SMARCC1: variants seen among roughly 807,000 people sequenced by gnomAD.
The protein encoded by SMARCC1 is SWI/SNF complex subunit SMARCC1.
In SMARCC1, 43 loss-of-function variants were observed where a neutral mutation model predicts 147.4. The observed-to-expected ratio is 0.29, with a 90% confidence interval of 0.23 to 0.38. SMARCC1 has a LOEUF of 0.38. SMARCC1 is among the 10% of genes least tolerant of loss of function. The probability of loss-of-function intolerance (pLI) is 1.00; values close to 1 mark genes in which losing one functional copy is unlikely to be tolerated. For missense variants in SMARCC1, 1,119 were observed against 1,381.1 expected (o/e 0.81, Z 3.01); for synonymous variants, 495 against 484.4 (o/e 1.02, Z -0.29).
chr3:47,641,072 T>G (rs2033041729), intron 21 of SMARCC1, among the ~76,000 whole-genome samples: 1 of 152,214 alleles, frequency 6.6e-6, no homozygotes, highest in Non-Finnish European at 1.5e-5. Context: ...ACAAATAACA[T>G]TCTTTGCTGA....
intron 1 of SMARCC1, among the ~76,000 whole-genome samples, chr3:47,777,326 GC>G (rs202152022): frequency 0.017 from 2,552 of 150,864 alleles, 169 homozygotes; most frequent in Admixed American, 0.12. Flanking sequence ...CAGGTGATCT[GC>G]CCGCCTTGGC....
intron 24 of SMARCC1, among the ~76,000 whole-genome samples, chr3:47,630,474 G>T (rs2032871683): frequency 6.6e-6 from 1 of 152,148 alleles, no homozygotes; most frequent in Admixed American, 6.5e-5. Context: ...GGAGATAAAT[G>T]ATTAACAAGA....
intron 19 of SMARCC1, chr3:47,663,848 A>C: frequency 1.3e-6 from 2 of 1,560,562 alleles, no homozygotes; most frequent in Non-Finnish European, 1.8e-6. Context: ...TCAGCTCATG[A>C]TGTGCACCTG....
At chr3:47,680,639 C>T in intron 14 of SMARCC1, 131 bp from the exon 15 acceptor site, 1 of 482,644 alleles carries the variant, frequency 2.1e-6, no homozygotes, top group Non-Finnish European at 3.5e-6. Context: ...GCTCCGCCTC[C>T]CGGGTTCACG....
intron 2 of SMARCC1, among the ~76,000 whole-genome samples, chr3:47,763,110 A>T (rs1292906610): frequency 6.6e-6 from 1 of 151,594 alleles, no homozygotes; most frequent in Non-Finnish European, 1.5e-5. Context: ...TTCCCTTAAA[A>T]TAGGTGTATC....
chr3:47,688,612 G>A (rs1173303164), intron 13 of SMARCC1, among the ~76,000 whole-genome samples: 2 of 152,086 alleles, frequency 1.3e-5, no homozygotes, highest in African/African-American at 4.8e-5. Context: ...TGTTCCAAAA[G>A]CATAATGATT....
Position 47,605,148 on chromosome 3 carries a change from C to T in SMARCC1, c.3043+4918G>A, listed in dbSNP as rs2032450403. On this transcript the variant is annotated intron_variant, in intron 26 of 27. Transcript: ENST00000254480. Reference sequence around the variant, plus strand: ...ATACTGCTAGAGTGTAAACAGGCACCACCACTTTGCAAAAAGTTTGGCAGC... The same window carrying T: ...ATACTGCTAGAGTGTAAACAGGCACTACCACTTTGCAAAAAGTTTGGCAGC... 2.6e-5 allele frequency among the ~76,000 whole-genome samples: 4 copies of T among 152,146 alleles called. No homozygotes were observed. The South Asian group carries it at 8.3e-4, about 32-fold the overall frequency.
chr3:47,656,265 A>G (rs148357112), intron 21 of SMARCC1, among the ~76,000 whole-genome samples: 224 of 152,338 alleles, frequency 1.5e-3, no homozygotes, highest in Middle Eastern at 3.4e-3. Flanking sequence ...GGTACTACGT[A>G]TAAAGTTGCT....
At chr3:47,760,172 G>A (rs2034757355) in intron 2 of SMARCC1, among the ~76,000 whole-genome samples, 1 of 151,930 alleles carries the variant, frequency 6.6e-6, no homozygotes. Flanking sequence ...AATATCAGCT[G>A]GGAATGGTGG....
chr3:47,724,117 G>C (rs948151279), intron 6 of SMARCC1, among the ~76,000 whole-genome samples: 2 of 152,176 alleles, frequency 1.3e-5, no homozygotes, highest in African/African-American at 4.8e-5. Context: ...ATTAAAAACA[G>C]TATTACCATA....
At chr3:47,769,662 A>G (rs1247066035) in intron 2 of SMARCC1, among the ~76,000 whole-genome samples, 2 of 152,136 alleles carry the variant, frequency 1.3e-5, no homozygotes, top group African/African-American at 4.8e-5. Flanking sequence ...GACATCACCA[A>G]GTAAGTCAAA....
intron 10 of SMARCC1, among the ~76,000 whole-genome samples, chr3:47,702,630 A>G (rs1300255048): frequency 6.6e-6 from 1 of 152,164 alleles, no homozygotes; most frequent in Non-Finnish European, 1.5e-5. Flanking sequence ...ACAGGGTCTC[A>G]CTCTGTTGTC....
intron 8 of SMARCC1, among the ~76,000 whole-genome samples, chr3:47,713,898 G>T (rs913266871): frequency 6.6e-6 from 1 of 152,104 alleles, no homozygotes; most frequent in Non-Finnish European, 1.5e-5. Context: ...CCTGCCTTTG[G>T]ATTCTCCTCA....
Position 47,714,481 on chromosome 3 carries a change from A to G in SMARCC1, c.726T>C (p.Thr242=). ...HWGFYPDSYD[T]WVHSNDVDAE... is the part of the protein sequence containing the mutation. ...CATCAACATCATTACTATGGACCCA[A>G]GTATCATAGCTATAAAGGAATCAAA... The change falls in exon 8 of 28, where the codon ACT becomes ACC. Residue 242 remains threonine, a synonymous_variant. Transcript: ENST00000254480. The G allele has an allele frequency of 6.5e-7, 1 of 1,549,938 alleles. No homozygotes were observed.
Position 47,775,478 on chromosome 3 carries a change from C to T in SMARCC1, c.196-2542G>A, listed in dbSNP as rs1465376706. On this transcript the variant is annotated intron_variant, in intron 1 of 27. Transcript: ENST00000254480. ...CCCAGCCCCGTAAATTTTTAATAAACGGTATTCAAGGGCCAGGCGCGGTGG... is the reference window on the plus strand; with the variant it reads ...CCCAGCCCCGTAAATTTTTAATAAATGGTATTCAAGGGCCAGGCGCGGTGG... Among the ~76,000 whole-genome samples the T allele has an allele frequency of 6.2e-5, 9 of 146,036 alleles. No individual in the cohort carries two copies. The South Asian group carries it at 1.6e-3, about 26-fold the overall frequency.
intron 3 of SMARCC1, among the ~76,000 whole-genome samples, chr3:47,741,986 T>C (rs1019039815): frequency 2.6e-5 from 4 of 152,118 alleles, no homozygotes; most frequent in African/African-American, 9.6e-5. Context: ...AAGCTCCTTA[T>C]TTGAGGCCAG....
chr3:47,711,351 T>C (rs886633919), intron 8 of SMARCC1, among the ~76,000 whole-genome samples: 2 of 152,170 alleles, frequency 1.3e-5, no homozygotes, highest in Non-Finnish European at 2.9e-5. Context: ...AAGAATAAAA[T>C]GAAAGGTTGT....
At chr3:47,738,423 C>T (rs1371489747) in intron 3 of SMARCC1, among the ~76,000 whole-genome samples, 1 of 152,256 alleles carries the variant, frequency 6.6e-6, no homozygotes, top group South Asian at 2.1e-4. Flanking sequence ...CAGTGGCTGA[C>T]GCCTGTAATC....
intron 13 of SMARCC1, among the ~76,000 whole-genome samples, chr3:47,687,208 A>T (rs2033736328): frequency 6.6e-6 from 1 of 152,230 alleles, no homozygotes; most frequent in Non-Finnish European, 1.5e-5. Flanking sequence ...CTTAAATGAT[A>T]TTGAATACAA....
Sources: gnomAD v4.1 joint callset for allele counts (sites outside exome capture counted in the v4.1 genomes callset) on GRCh38, gnomAD v4.1.1 for gene constraint, MANE v1.5 for transcripts, NCBI Gene and HGNC (gene_info 2026-07-23, HGNC 2026-07-21) for gene names.